Variants in COL25A1 observed in about 807,000 individuals in gnomAD.
COL25A1 encodes collagen alpha-1(XXV) chain.
In COL25A1, 103 loss-of-function variants were observed where a neutral mutation model predicts 128.4. That is an observed-to-expected ratio of 0.80 (90% CI 0.68 to 0.94). The LOEUF is 0.94. Ranked by LOEUF, COL25A1 falls within the 40% of genes least tolerant of loss-of-function variation. The probability of loss-of-function intolerance (pLI) is 0.00; values close to 1 mark genes in which losing one functional copy is unlikely to be tolerated. For missense variants in COL25A1, 745 were observed against 840.0 expected (o/e 0.89, Z 1.40); for synonymous variants, 279 against 277.2 (o/e 1.01, Z -0.06).
At chr4:108,911,202 A>G (rs1744174404) in intron 13 of COL25A1, among the ~76,000 whole-genome samples, 1 of 152,194 alleles carries the variant, frequency 6.6e-6, no homozygotes, top group Non-Finnish European at 1.5e-5. Context: ...ATAGTGATCA[A>G]TGATATCAAT....
At chr4:108,859,423 T>C (rs1486202131) in intron 24 of COL25A1, among the ~76,000 whole-genome samples, 1 of 152,086 alleles carries the variant, frequency 6.6e-6, no homozygotes, top group Non-Finnish European at 1.5e-5. Context: ...AAGGCTTAAC[T>C]ATATCTGAAG....
intron 3 of COL25A1, among the ~76,000 whole-genome samples, chr4:109,283,735 G>A (rs994346850): frequency 6.6e-6 from 1 of 152,028 alleles, no homozygotes; most frequent in Non-Finnish European, 1.5e-5. Context: ...TTATACTAAC[G>A]TTTCTTCCCC....
chr4:109,211,234 A>ATC, intron 3 of COL25A1, among the ~76,000 whole-genome samples: 1 of 89,856 alleles, frequency 1.1e-5, no homozygotes, highest in South Asian at 3.6e-4. Context: ...GTGTGTGTGT[A>ATC]TGTATATATA....
At chr4:109,119,060 T>G (rs1767875121) in intron 3 of COL25A1, among the ~76,000 whole-genome samples, 1 of 151,974 alleles carries the variant, frequency 6.6e-6, no homozygotes, top group Non-Finnish European at 1.5e-5. Flanking sequence ...CAAAAACAGC[T>G]AAAACATCCC....
rs746107182 is a variant in COL25A1 at position 109,301,882 on chromosome 4, C to G, written c.138G>C (p.Val46=). 1 of 1,614,182 alleles carries G rather than the reference C, an allele frequency of 6.2e-7. No homozygotes were observed. The highest frequency in any genetic ancestry group is 8.5e-7 in the Non-Finnish European group (1 of 1,180,034). ...TCACACCCAGGTACAGGCAAGACAC[C>G]ACGGCCACCACTGACAGGAGGGCCG... ...VLAALLSVVA[V]VSCLYLGVKT... is the part of the protein sequence containing the mutation. Residue 46 remains valine, a synonymous_variant, in exon 2 of 38, where the codon GTG becomes GTC. Transcript: ENST00000399132.
chr4:109,146,820 C>T (rs187353484), intron 3 of COL25A1, among the ~76,000 whole-genome samples: 81 of 152,232 alleles, frequency 5.3e-4, no homozygotes, highest in Middle Eastern at 6.8e-3. Context: ...AATTAATGAC[C>T]TCCAAATTTT....
At chr4:109,068,916 A>G (rs150944009) in intron 3 of COL25A1, among the ~76,000 whole-genome samples, 8 of 152,272 alleles carry the variant, frequency 5.3e-5, no homozygotes, top group African/African-American at 1.9e-4. Flanking sequence ...AATATGTCAC[A>G]TATTTACATA....
intron 3 of COL25A1, among the ~76,000 whole-genome samples, chr4:109,154,980 C>T (rs1430364087): frequency 6.6e-6 from 1 of 152,158 alleles, no homozygotes; most frequent in East Asian, 1.9e-4. Context: ...AGCTTCCCTC[C>T]TTCCCATTTT....
chr4:109,019,847 C>T (rs1757566053), intron 5 of COL25A1, among the ~76,000 whole-genome samples: 2 of 152,078 alleles, frequency 1.3e-5, no homozygotes, highest in South Asian at 4.1e-4. Context: ...TATGTATACA[C>T]CTACCAATAT....
chr4:108,989,168 G>A (rs1233614069), intron 6 of COL25A1, among the ~76,000 whole-genome samples: 1 of 152,236 alleles, frequency 6.6e-6, no homozygotes, highest in Non-Finnish European at 1.5e-5. Flanking sequence ...GGATCAGTTA[G>A]AGGAGGCTTC....
intron 3 of COL25A1, among the ~76,000 whole-genome samples, chr4:109,225,306 G>C (rs1400992763): frequency 6.6e-6 from 1 of 152,124 alleles, no homozygotes; most frequent in Non-Finnish European, 1.5e-5. Context: ...CCATTAAAAA[G>C]TGGGCAAAAG....
chr4:109,302,575 G>A lies in COL25A1; in HGVS notation c.-463C>T, dbSNP rs1279778066. 2.0e-5 allele frequency: 3 copies of A among 153,716 alleles called. No individual in the cohort carries two copies. The Admixed American group carries it at 2.0e-4, about 10-fold the overall frequency. 9.5% of individuals were successfully genotyped at this position (153,716 alleles called of 1,614,324 possible). A position where few individuals can be genotyped will look rare whatever the true frequency, so the allele number is the denominator to read the frequency against. ...AGCGCAGCGCGAAAGGGGCGACTAAGGTGGAGAAGAGAGAGGAAAACGAAA... is the reference window on the plus strand; with the variant it reads ...AGCGCAGCGCGAAAGGGGCGACTAAAGTGGAGAAGAGAGAGGAAAACGAAA... On this transcript the variant is annotated 5_prime_UTR_variant, in exon 1 of 38. Coordinates refer to ENST00000399132, the MANE Select transcript of COL25A1 (RefSeq NM_198721.4).
At chr4:108,815,773 T>A (rs1424557345) in intron 37 of COL25A1, among the ~76,000 whole-genome samples, 5 of 152,154 alleles carry the variant, frequency 3.3e-5, no homozygotes, top group African/African-American at 1.2e-4. Flanking sequence ...TGATGAGTTC[T>A]TTGTTGCCAT....
intron 35 of COL25A1, among the ~76,000 whole-genome samples, chr4:108,823,597 C>T (rs1407920200): frequency 1.3e-5 from 2 of 152,196 alleles, no homozygotes; most frequent in Non-Finnish European, 2.9e-5. Context: ...ACTTCAACAT[C>T]AACCTCATAA....
At chr4:109,165,502 G>T (rs748649301) in intron 3 of COL25A1, among the ~76,000 whole-genome samples, 7 of 152,172 alleles carry the variant, frequency 4.6e-5, no homozygotes, top group Non-Finnish European at 7.3e-5. Context: ...GCTCACTGGA[G>T]ACCACGAGTT....
intron 3 of COL25A1, among the ~76,000 whole-genome samples, chr4:109,140,387 T>C (rs1413176880): frequency 6.6e-6 from 1 of 152,228 alleles, no homozygotes; most frequent in Non-Finnish European, 1.5e-5. Context: ...TTTGTTCTTT[T>C]GGCTTAGGAT....
At chr4:109,091,584 C>T (rs1764914901) in intron 3 of COL25A1, among the ~76,000 whole-genome samples, 1 of 152,140 alleles carries the variant, frequency 6.6e-6, no homozygotes, top group African/African-American at 2.4e-5. Context: ...ACATAGTTCA[C>T]CATGCACAGC....
At chr4:108,857,829 T>C (rs1029265108) in intron 24 of COL25A1, among the ~76,000 whole-genome samples, 5 of 152,174 alleles carry the variant, frequency 3.3e-5, no homozygotes, top group Non-Finnish European at 5.9e-5. Context: ...ATCTGGTTAA[T>C]ATAAGCATAA....
At chr4:108,877,445 G>A (rs1739576805) in intron 19 of COL25A1, among the ~76,000 whole-genome samples, 1 of 152,014 alleles carries the variant, frequency 6.6e-6, no homozygotes, top group African/African-American at 2.4e-5. Flanking sequence ...CCATAAACTG[G>A]CTATATGTAC....
Sources: allele counts gnomAD v4.1 joint callset (sites outside exome capture counted in the v4.1 genomes callset), GRCh38; gene constraint gnomAD v4.1.1; transcripts MANE v1.5; gene names NCBI Gene and HGNC (gene_info 2026-07-23, HGNC 2026-07-21).